Variants in SRPRB observed in about 807,000 individuals in gnomAD.
SRPRB encodes SRP receptor subunit beta.
Under a neutral mutation model 31.9 loss-of-function variants are expected in SRPRB, and 20 were observed. The observed-to-expected ratio is 0.63, with a 90% confidence interval of 0.44 to 0.91. SRPRB has a LOEUF of 0.91. SRPRB is among the 40% of genes least tolerant of loss of function. The pLI, the probability that SRPRB is intolerant of heterozygous loss-of-function variation, is 0.00. For missense variants in SRPRB, 321 were observed against 324.9 expected (o/e 0.99, Z 0.09); for synonymous variants, 146 against 132.8 (o/e 1.10, Z -0.68).
At chr3:133,804,092 T>C (rs1156909635), upstream of SRPRB, among the ~76,000 whole-genome samples, 1 of 82,002 alleles carries the variant, frequency 1.2e-5, no homozygotes. Flanking sequence ...CGAGACTCTG[T>C]CTCAAAAAAA....
At chr3:133,824,832 T>G (rs1246338141), downstream of SRPRB, 1 of 152,100 alleles carries the variant, frequency 6.6e-6, no homozygotes, top group Non-Finnish European at 1.5e-5. Flanking sequence ...GTCCTTGCTG[T>G]GTAATAAATA....
rs1052483995 is a variant in SRPRB at position 133,806,015 on chromosome 3, C to T, written c.154+13C>T. The T allele has an allele frequency of 3.7e-6, 6 of 1,610,306 alleles. No homozygotes were observed. The highest frequency in any genetic ancestry group is 5.1e-6 in the Non-Finnish European group (6 of 1,177,792). ...CTGCTGACGCTAGGTAAAAGGCGGC[C>T]GGTGGTCATGGCGGGTTTGGGGCGG... On this transcript the variant is annotated intron_variant, in intron 1 of 6. Coordinates refer to ENST00000678299, the MANE Select transcript of SRPRB (RefSeq NM_001379313.1).
Position 133,807,829 on chromosome 3 carries a change from A to T in SRPRB, c.327+6A>T. On this transcript the variant is annotated splice_donor_region_variant and intron_variant, in intron 3 of 6. Coordinates refer to ENST00000678299, the MANE Select transcript of SRPRB (RefSeq NM_001379313.1). ...ACAGAGTCAACAATAACAGGGTAAG[A>T]TGTTTGTGGAGTTTTGGAGTCTGAC... The T allele has an allele frequency of 6.2e-7, 1 of 1,603,302 alleles. No homozygotes were observed. Among genetic ancestry groups the T allele is most frequent in the Non-Finnish European group, 8.5e-7 (1 of 1,176,568 alleles).
At chr3:133,786,237 A>AC (rs1934681723) in intron 1 of SRPRB, 1 of 77,282 alleles carries the variant, frequency 1.3e-5, no homozygotes, top group Non-Finnish European at 3.3e-5. Context: ...AAAAAAAAAA[A>AC]AAACAATACT....
In SRPRB at chr3:133,807,838, G is replaced by C. The variant is rs1935190882; in HGVS notation, c.327+15G>C. ...ACAATAACAGGGTAAGATGTTTGTG[G>C]AGTTTTGGAGTCTGACAGTCTTACT... is the stretch of plus-strand genomic sequence containing the variant. On this transcript the variant is annotated intron_variant, in intron 3 of 6. Transcript: ENST00000678299. The C allele has an allele frequency of 6.3e-7, 1 of 1,592,764 alleles. No individual in the cohort carries two copies. Among genetic ancestry groups the C allele is most frequent in the South Asian group, 1.1e-5 (1 of 87,618 alleles).
At chr3:133,810,473 G>A (rs527937962) in intron 3 of SRPRB, 14 of 152,340 alleles carry the variant, frequency 9.2e-5, no homozygotes, top group African/African-American at 3.1e-4. Context: ...GCCTGGCATG[G>A]TGAATAGAAC....
chr3:133,805,134 A>G (rs892683119), upstream of SRPRB, among the ~76,000 whole-genome samples: 4 of 152,196 alleles, frequency 2.6e-5, no homozygotes, highest in African/African-American at 9.6e-5. Flanking sequence ...TACCTCCTGC[A>G]GTTTTCAACA....
upstream of SRPRB, among the ~76,000 whole-genome samples, chr3:133,802,230 CTG>C (rs1028303578): frequency 6.6e-6 from 1 of 151,344 alleles, no homozygotes; most frequent in Non-Finnish European, 1.5e-5. Context: ...CAGAGAGAGA[CTG>C]TGTCTCTACA....
chr3:133,801,061 T>C (rs192667280), upstream of SRPRB, among the ~76,000 whole-genome samples: 4 of 152,362 alleles, frequency 2.6e-5, no homozygotes, highest in East Asian at 7.7e-4. Flanking sequence ...ATTCTGTTTT[T>C]AAAAATCCTC....
At chr3:133,800,158 T>A (rs35332919) in intron 1 of SRPRB, among the ~76,000 whole-genome samples, 44,000 of 152,094 alleles carry the variant, frequency 0.29, 7,064 homozygotes, top group East Asian at 0.46. Context: ...TCATTTGTTC[T>A]CTGTGCTGCT....
At chr3:133,787,459 T>G (rs1559884113) in intron 1 of SRPRB, 1 of 152,196 alleles carries the variant, frequency 6.6e-6, no homozygotes, top group South Asian at 2.1e-4. Flanking sequence ...TATTTTACAG[T>G]GCTATGTACA....
chr3:133,824,790 A>C (rs556709644), downstream of SRPRB: 1 of 152,308 alleles, frequency 6.6e-6, no homozygotes, highest in Admixed American at 6.5e-5. Flanking sequence ...AAAAGAGTAG[A>C]GATGGTCTGA....
intron 1 of SRPRB, chr3:133,787,276 G>A (rs542952893): frequency 6.6e-6 from 1 of 152,290 alleles, no homozygotes; most frequent in African/African-American, 2.4e-5. Flanking sequence ...CTTGTCTTCT[G>A]TAAATGATTT....
downstream of SRPRB, chr3:133,824,230 G>A (rs1422289796): frequency 6.6e-6 from 1 of 152,232 alleles, no homozygotes; most frequent in Non-Finnish European, 1.5e-5. Context: ...ACACAGACAA[G>A]AAGCTTTGTT....
rs1935143552 is a variant in SRPRB, at chr3:133,805,871, G to A, written c.23G>A (p.Arg8Gln). The A allele has an allele frequency of 6.2e-7, 1 of 1,612,236 alleles. No individual in the cohort carries two copies. The stretch of plus-strand genomic sequence containing the variant: ...TCCATGGCTTCCGCGGACTCGCGCC[G>A]GGTGGCAGATGGCGGCGGTGCCGGG... MASADSRRVADGGGAGGT... is the reference protein window; with the variant it reads MASADSRQVADGGGAGGT... The change falls in exon 1 of 7, where the codon CGG becomes CAG. Residue 8 changes from arginine (R) to glutamine (Q), a missense_variant. By Grantham distance (43) the Arg-to-Gln change is conservative. Coordinates refer to ENST00000678299, the MANE Select transcript of SRPRB (RefSeq NM_001379313.1).
chr3:133,787,154 C>A (rs573489975), intron 1 of SRPRB: 1 of 152,098 alleles, frequency 6.6e-6, no homozygotes, highest in South Asian at 2.1e-4. Context: ...ACAAATGAGT[C>A]CTAATTTTGC....
intron 5 of SRPRB, 55 bp downstream of exon 5, chr3:133,815,781 T>G: frequency 6.3e-7 from 1 of 1,583,142 alleles, no homozygotes; most frequent in South Asian, 1.1e-5. Context: ...TTGCTGCTAC[T>G]AAGAATTATT....
At chr3:133,802,338 G>T (rs990690287), upstream of SRPRB, among the ~76,000 whole-genome samples, 3 of 152,138 alleles carry the variant, frequency 2.0e-5, no homozygotes, top group Non-Finnish European at 2.9e-5. Flanking sequence ...GAGCCCAGGA[G>T]TTCCAGGTTA....
At chr3:133,800,155 T>C (rs954880468) in intron 1 of SRPRB, among the ~76,000 whole-genome samples, 4 of 152,156 alleles carry the variant, frequency 2.6e-5, no homozygotes, top group Admixed American at 1.3e-4. Context: ...ACATCATTTG[T>C]TCTCTGTGCT....
Sources: allele counts gnomAD v4.1 joint callset (sites outside exome capture counted in the v4.1 genomes callset), GRCh38; gene constraint gnomAD v4.1.1; transcripts MANE v1.5; gene names NCBI Gene and HGNC (gene_info 2026-07-23, HGNC 2026-07-21).